The following SCMH1 variants were observed in gnomAD, a reference collection of about 807,000 sequenced individuals.
SCMH1 encodes the protein polycomb protein SCMH1.
In SCMH1, 37 loss-of-function variants were observed where a neutral mutation model predicts 70.8. The ratio of observed to expected loss-of-function variants is 0.52; its 90% CI spans 0.40 to 0.69. SCMH1 has a LOEUF of 0.69. SCMH1 is among the 30% of genes least tolerant of loss of function. The pLI is 0.00. For synonymous variants in SCMH1, 292 were observed against 307.4 expected (o/e 0.95, Z 0.52); for missense variants, 607 against 827.3 (o/e 0.73, Z 3.27).
At chr1:41,029,388 C>T (rs940308365) in intron 13 of SCMH1, among the ~76,000 whole-genome samples, 6 of 152,086 alleles carry the variant, frequency 3.9e-5, no homozygotes, top group Non-Finnish European at 7.4e-5. Context: ...TTAGTAGAGA[C>T]GGGGTTTCAC....
chr1:41,206,806 C>A (rs1290870772), intron 1 of SCMH1, among the ~76,000 whole-genome samples: 1 of 152,138 alleles, frequency 6.6e-6, no homozygotes, highest in Admixed American at 6.5e-5. Flanking sequence ...GGTCGGGTTA[C>A]CCACAAAAGG....
intron 8 of SCMH1, among the ~76,000 whole-genome samples, chr1:41,079,977 T>C (rs1161801465): frequency 6.6e-6 from 1 of 152,184 alleles, no homozygotes; most frequent in Non-Finnish European, 1.5e-5. Context: ...TAATACTGTA[T>C]TTTTTAGGTA....
At chr1:41,215,488 G>T (rs544318762) in intron 1 of SCMH1, among the ~76,000 whole-genome samples, 46 of 151,922 alleles carry the variant, frequency 3.0e-4, no homozygotes, top group African/African-American at 1.0e-3. Context: ...TATTTTTCAG[G>T]ATCTAGGGCT....
chr1:41,143,159 C>A, intron 5 of SCMH1, 47 bp from the exon 6 acceptor site: 9 of 1,464,924 alleles, frequency 6.1e-6, no homozygotes, highest in Non-Finnish European at 7.6e-6. Flanking sequence ...GAGTAAAACC[C>A]CAAAATTCAT....
chr1:41,102,158 T>G (rs1216549591), intron 8 of SCMH1, among the ~76,000 whole-genome samples: 1 of 151,608 alleles, frequency 6.6e-6, no homozygotes. Context: ...AATAGGCTAT[T>G]GTGCATGCAC....
chr1:41,145,310 C>T (rs1644454916), intron 5 of SCMH1, among the ~76,000 whole-genome samples: 1 of 152,082 alleles, frequency 6.6e-6, no homozygotes, highest in Non-Finnish European at 1.5e-5. Context: ...GCTGTACCTG[C>T]ACCAGTTGTT....
chr1:41,092,317 C>T (rs1663806374), intron 8 of SCMH1, among the ~76,000 whole-genome samples: 1 of 152,098 alleles, frequency 6.6e-6, no homozygotes, highest in Non-Finnish European at 1.5e-5. Context: ...ACTGGCTGGC[C>T]ATATGTAGAA....
exon 9 of SCMH1, chr1:41,075,305 G>C: frequency 6.2e-7 from 1 of 1,614,172 alleles, no homozygotes; most frequent in Non-Finnish European, 8.5e-7. Context: ...TGGGAAATTA[G>C]GGTCTTGGGT....
chr1:41,229,692 A>AT lies in SCMH1; in HGVS notation c.-118+12366_-118+12367insA, dbSNP rs1368030911. ...CAACATGGCACATGTATACCTATGTAACAAACCTGCACATTGTGCACATGT... is the reference window on the plus strand; with the variant it reads ...CAACATGGCACATGTATACCTATGTATACAAACCTGCACATTGTGCACATGT... On this transcript the variant is annotated intron_variant, in intron 1 of 14. Transcript: ENST00000337495. Among the ~76,000 whole-genome samples the AT allele has an allele frequency of 2.0e-5, 3 of 152,282 alleles. No homozygotes were observed. The East Asian group carries it at 5.8e-4, about 29-fold the overall frequency.
At chr1:41,053,836 T>C (rs1649176712) in intron 10 of SCMH1, among the ~76,000 whole-genome samples, 1 of 151,948 alleles carries the variant, frequency 6.6e-6, no homozygotes, top group Non-Finnish European at 1.5e-5. Context: ...TAAAGGTTTT[T>C]TTTTTGTTTT....
intron 8 of SCMH1, among the ~76,000 whole-genome samples, chr1:41,091,537 C>T (rs980254370): frequency 2.6e-5 from 4 of 152,014 alleles, no homozygotes; most frequent in South Asian, 2.1e-4. Flanking sequence ...CTGGCCAGGG[C>T]AATCAGGCAA....
At chr1:41,207,575 C>T (rs574755688) in intron 1 of SCMH1, among the ~76,000 whole-genome samples, 2 of 152,296 alleles carry the variant, frequency 1.3e-5, no homozygotes, top group South Asian at 4.2e-4. Flanking sequence ...GACTTAGACT[C>T]CCATACAATA....
At chr1:41,046,962 C>T (rs1646952781) in intron 11 of SCMH1, among the ~76,000 whole-genome samples, 1 of 152,144 alleles carries the variant, frequency 6.6e-6, no homozygotes, top group South Asian at 2.1e-4. Flanking sequence ...AAGAACTGCC[C>T]AAGAACAGAG....
At position 41,034,578 on chromosome 1, in the gene SCMH1, C is replaced by T. The variant is rs140985862; in HGVS notation, c.1678+2784G>A. On this transcript the variant is annotated intron_variant, in intron 13 of 14. Coordinates refer to ENST00000337495, the Ensembl canonical transcript of SCMH1. ...TCTTGACCTCGTGATCCACCCTCCT[C>T]GGCCTCCCAAAGTGCTGGGATTACA... is the stretch of plus-strand genomic sequence containing the variant. Among the ~76,000 whole-genome samples the T allele has an allele frequency of 6.9e-3, 1,043 of 152,214 alleles. 6 individuals are homozygous for T. Among genetic ancestry groups the T allele is most frequent in the Non-Finnish European group, 0.012 (785 of 68,006 alleles).
intron 6 of SCMH1, among the ~76,000 whole-genome samples, chr1:41,121,523 T>C (rs765375363): frequency 6.6e-6 from 1 of 152,188 alleles, no homozygotes; most frequent in Non-Finnish European, 1.5e-5. Flanking sequence ...CTAGGCTGTC[T>C]ATAAGGAAAA....
At chr1:41,160,930 C>A in intron 3 of SCMH1, 32 bp from the exon 4 acceptor site, 1 of 1,545,484 alleles carries the variant, frequency 6.5e-7, no homozygotes, top group South Asian at 1.2e-5. Flanking sequence ...GAGCATAAGT[C>A]ATTAAGACAA....
rs112747228 is a variant in SCMH1, at chr1:41,034,332, C to CT, written c.1678+3029dup. 4.1e-3 allele frequency among the ~76,000 whole-genome samples: 593 copies of CT among 145,734 alleles called. 4 individuals carry two copies. Among genetic ancestry groups the CT allele is most frequent in the East Asian group, 0.019 (96 of 5,044 alleles). ...GAGGTGACTTTTTTTCTTTTCTTTT[C>CT]TTTTTTTTTTTTTGAGACGGAGTCT... On this transcript the variant is annotated intron_variant, in intron 13 of 14. Transcript: ENST00000337495.
chr1:41,191,323 ATAC>A (rs1651666784), intron 1 of SCMH1, among the ~76,000 whole-genome samples: 1 of 152,270 alleles, frequency 6.6e-6, no homozygotes, highest in Admixed American at 6.5e-5. Context: ...CACAGTAAAT[ATAC>A]TACTGACAAG....
intron 2 of SCMH1, among the ~76,000 whole-genome samples, chr1:41,164,105 T>G (rs1394812121): frequency 2.0e-5 from 3 of 152,158 alleles, no homozygotes; most frequent in African/African-American, 7.2e-5. Context: ...CTCATTAACA[T>G]CATTCTCTGG....
Sources: gnomAD v4.1 joint callset for allele counts (sites outside exome capture counted in the v4.1 genomes callset) on GRCh38, gnomAD v4.1.1 for gene constraint, MANE v1.5 for transcripts, NCBI Gene and HGNC (gene_info 2026-07-23, HGNC 2026-07-21) for gene names.